CEMIP: variants seen among roughly 807,000 people sequenced by gnomAD.
CEMIP encodes cell migration inducing hyaluronidase 1.
In CEMIP, 105 loss-of-function variants were observed where a neutral mutation model predicts 156.9. The observed-to-expected ratio is 0.67, with a 90% CI of 0.57 to 0.79. The LOEUF (loss-of-function observed/expected upper bound fraction) is 0.79. Among genes scored for constraint, CEMIP ranks in the 30% least tolerant of loss-of-function variants. The pLI is 0.00. For missense variants in CEMIP, 1,457 were observed against 1,769.4 expected (o/e 0.82, Z 3.17); for synonymous variants, 676 against 668.4 (o/e 1.01, Z -0.17).
intron 1 of CEMIP, among the ~76,000 whole-genome samples, chr15:80,799,004 T>C (rs182837278): frequency 6.6e-6 from 1 of 152,324 alleles, no homozygotes; most frequent in East Asian, 1.9e-4. Flanking sequence ...CATGGAACAG[T>C]CTTTCCTTTA....
chr15:80,929,109 G>A lies in CEMIP; in HGVS notation c.2547G>A (p.Met849Ile). Reference sequence around the variant, plus strand: ...AGAGTGGCAACGTGGGGACGGAAATGATGGACAATAGGATCTGGGGCCCTG... The same window carrying A: ...AGAGTGGCAACGTGGGGACGGAAATAATGGACAATAGGATCTGGGGCCCTG... ...VGESGNVGTE[M>I]MDNRIWGPGG... The change falls in exon 21 of 30, where the codon ATG becomes ATA. Residue 849 changes from methionine to isoleucine, a missense_variant. By Grantham distance (10) the Met-to-Ile change is conservative. Transcript: ENST00000394685. The A allele has an allele frequency of 1.2e-6, 2 of 1,614,226 alleles. No homozygotes were observed. The highest frequency in any genetic ancestry group is 3.3e-4 in the Middle Eastern group (2 of 6,062).
intron 1 of CEMIP, among the ~76,000 whole-genome samples, chr15:80,859,907 A>C (rs895662923): frequency 6.6e-6 from 1 of 152,184 alleles, no homozygotes; most frequent in African/African-American, 2.4e-5. Flanking sequence ...GTGCACATGC[A>C]GATTACTGAG....
At chr15:80,855,515 T>G (rs1201123078) in intron 1 of CEMIP, among the ~76,000 whole-genome samples, 1 of 152,076 alleles carries the variant, frequency 6.6e-6, no homozygotes, top group Non-Finnish European at 1.5e-5. Context: ...TTCTTTTTCT[T>G]TTTTTTCTTT....
chr15:80,894,313 C>T (rs1158344485), intron 10 of CEMIP, among the ~76,000 whole-genome samples: 3 of 152,240 alleles, frequency 2.0e-5, no homozygotes, highest in Non-Finnish European at 4.4e-5. Context: ...CTGCCACCTA[C>T]TGGCTTTGTG....
At chr15:80,783,634 T>C (rs1176409480) in intron 1 of CEMIP, among the ~76,000 whole-genome samples, 1 of 152,250 alleles carries the variant, frequency 6.6e-6, no homozygotes, top group Non-Finnish European at 1.5e-5. Flanking sequence ...AAGTCTGGCA[T>C]GTAGAAACTT....
rs1252329361 is a variant in CEMIP, at chr15:80,906,916, G to C, written c.1587+78G>C. ...TGTCAGCCTCTAGACGGGCCTTCTT[G>C]GTAGGGATGAGGGTGGGGGAACAGG... On this transcript the variant is annotated intron_variant, in intron 13 of 29. Transcript: ENST00000394685. The surrounding 1 kb of genome is among the most constrained non-coding windows in gnomAD (Gnocchi z 4.3). 1 of 1,484,152 alleles carries C rather than the reference G, an allele frequency of 6.7e-7. No individual in the cohort carries two copies. The highest frequency in any genetic ancestry group is 2.5e-5 in the East Asian group (1 of 40,812). 91.9% of individuals were successfully genotyped at this position (1,484,152 alleles called of 1,614,324 possible). A position where few individuals can be genotyped will look rare whatever the true frequency, so the allele number is the denominator to read the frequency against.
rs1201018624 is a variant in CEMIP, at chr15:80,906,616, G to A, written c.1412-47G>A. The A allele has an allele frequency of 6.3e-7, 1 of 1,575,876 alleles. No individual in the cohort carries two copies. The highest frequency in any genetic ancestry group is 2.2e-5 in the East Asian group (1 of 44,514). ...CCTGGCAGGGGCCCAGAACTCAGTG[G>A]GCATGCAGTACCTGCTGTTGTTTAC... On this transcript the variant is annotated intron_variant, in intron 12 of 29. Coordinates refer to ENST00000394685, the MANE Select transcript of CEMIP (RefSeq NM_001293298.2). This position sits in a 1 kb window ranked among gnomAD's most constrained non-coding sequence, Gnocchi z 4.3.
chr15:80,889,155 C>T (rs191858725), intron 9 of CEMIP, among the ~76,000 whole-genome samples: 6 of 152,352 alleles, frequency 3.9e-5, no homozygotes, highest in East Asian at 1.9e-4. Context: ...CAGAAAGCAG[C>T]AATCCTAGTT....
intron 1 of CEMIP, among the ~76,000 whole-genome samples, chr15:80,823,232 A>T (rs944699788): frequency 5.3e-5 from 8 of 152,082 alleles, no homozygotes; most frequent in African/African-American, 1.9e-4. Context: ...TGTGGTTTTT[A>T]CAGATATTTG....
chr15:80,873,804 C>G (rs1898373828), intron 2 of CEMIP, 60 bp from the exon 3 acceptor site: 3 of 1,234,800 alleles, frequency 2.4e-6, no homozygotes, highest in Non-Finnish European at 3.5e-6. Flanking sequence ...CATGTCGGCC[C>G]TGTATACTGA....
intron 1 of CEMIP, among the ~76,000 whole-genome samples, chr15:80,839,287 T>TGA (rs1175892416): frequency 2.2e-5 from 3 of 133,928 alleles, no homozygotes; most frequent in Non-Finnish European, 3.2e-5. Context: ...GTCAAGGCCG[T>TGA]GAGTGTGTGT....
At chr15:80,850,145 G>C (rs1385726193) in intron 1 of CEMIP, among the ~76,000 whole-genome samples, 1 of 152,210 alleles carries the variant, frequency 6.6e-6, no homozygotes, top group Non-Finnish European at 1.5e-5. Flanking sequence ...GTCAGGGTCA[G>C]GGGTGGGAGA....
At chr15:80,849,067 C>T (rs1172875685) in intron 1 of CEMIP, among the ~76,000 whole-genome samples, 1 of 137,706 alleles carries the variant, frequency 7.3e-6, no homozygotes, top group Non-Finnish European at 1.5e-5. Flanking sequence ...TCTTGGCTCA[C>T]TGCAACCTCT....
chr15:80,900,315 G>A (rs1899421531), intron 12 of CEMIP, among the ~76,000 whole-genome samples: 1 of 96,482 alleles, frequency 1.0e-5, no homozygotes, highest in Non-Finnish European at 2.4e-5. Context: ...CCTGAAGGCT[G>A]GACAGAATGC....
At chr15:80,811,020 A>G (rs1243338763) in intron 1 of CEMIP, among the ~76,000 whole-genome samples, 2 of 152,200 alleles carry the variant, frequency 1.3e-5, no homozygotes, top group African/African-American at 4.8e-5. Context: ...TCATTGATTT[A>G]ATAAACTACT....
chr15:80,915,488 T>G (rs12905722), intron 14 of CEMIP, among the ~76,000 whole-genome samples: 1 of 152,034 alleles, frequency 6.6e-6, no homozygotes, highest in Non-Finnish European at 1.5e-5. Context: ...AGCCCAAATA[T>G]GAAACCCAGA....
chr15:80,846,917 C>T (rs1350753263), intron 1 of CEMIP, among the ~76,000 whole-genome samples: 7 of 152,110 alleles, frequency 4.6e-5, no homozygotes, highest in African/African-American at 7.2e-5. Context: ...GCCCTGAGCA[C>T]GTTTTTAAAA....
At chr15:80,861,168 G>A (rs1246189903) in intron 1 of CEMIP, among the ~76,000 whole-genome samples, 1 of 152,066 alleles carries the variant, frequency 6.6e-6, no homozygotes, top group African/African-American at 2.4e-5. Flanking sequence ...GAACCATCGT[G>A]CAGTAGGCAC....
In CEMIP at chr15:80,909,296, A is replaced by G. The variant is rs765433031; in HGVS notation, c.1787A>G (p.Asn596Ser). ...CGCTGCGTCACAGTCCATGGCTCCA[A>G]TGGCTTGTTGGTAAGAACCTCCTTC... ...FSRCVTVHGS[N>S]GLLIKDVVGY... The change falls in exon 14 of 30, where the codon AAT (asparagine) becomes AGT (serine). Residue 596 changes from asparagine (N) to serine (S), a missense_variant. Around this residue, in one of 5 missense-constraint regions of CEMIP, gnomAD observed 53 missense variants for 104.5 expected, o/e 0.51. Coordinates refer to ENST00000394685, the MANE Select transcript of CEMIP (RefSeq NM_001293298.2). 14 of 1,613,882 alleles carry G rather than the reference A, an allele frequency of 8.7e-6. No individual in the cohort carries two copies. Among genetic ancestry groups the G allele is most frequent in the Non-Finnish European group, 1.2e-5 (14 of 1,180,004 alleles).
Sources: gnomAD v4.1 joint callset for allele counts (sites outside exome capture counted in the v4.1 genomes callset) on GRCh38, gnomAD v4.1.1 for gene constraint, gnomAD v4.1.1 regional missense constraint, Gnocchi (gnomAD v3.1) non-coding constraint, MANE v1.5 for transcripts, NCBI Gene and HGNC (gene_info 2026-07-23, HGNC 2026-07-21) for gene names.